Variants in SCAMP4 observed in about 807,000 individuals in gnomAD.
SCAMP4 encodes the protein secretory carrier-associated membrane protein 4.
In SCAMP4, 19 loss-of-function variants were observed where a neutral mutation model predicts 32.1. That is an observed-to-expected ratio of 0.59 (90% CI 0.41 to 0.87). The LOEUF (loss-of-function observed/expected upper bound fraction) is 0.87, where lower values mean the gene tolerates loss of function less well. Among genes scored for constraint, SCAMP4 ranks in the 40% least tolerant of loss-of-function variants. SCAMP4 has a pLI of 0.00. For synonymous variants in SCAMP4, 152 were observed against 132.7 expected, an observed-to-expected ratio of 1.15 and a Z score of -1.00; for missense variants, 302 against 309.0, an observed-to-expected ratio of 0.98 and a Z score of 0.17.
chr19:1,921,495 C>T (rs762456167), intron 5 of SCAMP4: 43 of 985,298 alleles, frequency 4.4e-5, no homozygotes, highest in South Asian at 1.4e-4. Context: ...CAGCGGGCGC[C>T]GCAGCCTCTA....
intron 6 of SCAMP4, 136 bp downstream of exon 6, chr19:1,923,323 G>A (rs1275197681): frequency 6.9e-6 from 5 of 722,960 alleles, no homozygotes; most frequent in Non-Finnish European, 8.8e-6. Context: ...TTCATCCCCA[G>A]CAGTGAGCTG....
intron 1 of SCAMP4, chr19:1,912,354 C>T: frequency 4.6e-6 from 7 of 1,530,920 alleles, no homozygotes; most frequent in Non-Finnish European, 6.1e-6. Flanking sequence ...TGCCGGCAGC[C>T]CCCACGCCCT....
At position 1,921,516 on chromosome 19, in the gene SCAMP4, G is replaced by GC. The variant is rs2013919709; in HGVS notation, c.396-1553dup. ...GCGCCGCAGCCTCTAAGCGGAGCATGCAGCCCACTGACAGTGTGCTGGGTG... is the reference window on the plus strand; with the variant it reads ...GCGCCGCAGCCTCTAAGCGGAGCATGCCAGCCCACTGACAGTGTGCTGGGTG... On this transcript the variant is annotated intron_variant, in intron 5 of 6. Coordinates refer to ENST00000316097, the MANE Select transcript of SCAMP4 (RefSeq NM_079834.4). 3.0e-6 allele frequency: 3 copies of GC among 985,448 alleles called. No individual in the cohort carries two copies. The South Asian group carries it at 1.4e-4, about 46-fold the overall frequency. The allele number at this position is 985,448 out of a possible 1,614,324, so 61.0% of individuals were successfully genotyped here.
Position 1,917,793 on chromosome 19 carries a change from T to C in SCAMP4, c.107T>C (p.Leu36Pro), listed in dbSNP as rs2013781273. The change falls in exon 3 of 7, where the codon CTG (leucine) becomes CCG (proline). Residue 36 changes from leucine to proline, a missense_variant. By Grantham distance (98) the Leu-to-Pro change is moderately conservative. Coordinates refer to ENST00000316097, the MANE Select transcript of SCAMP4 (RefSeq NM_079834.4). ...SDEIPVEHQV[L>P]VKRIYRLWMF... Reference sequence around the variant, plus strand: ...GAGATCCCAGTGGAGCACCAGGTCCTGGTGAAGAGGATCTACCGGCTGTGG... The same window carrying C: ...GAGATCCCAGTGGAGCACCAGGTCCCGGTGAAGAGGATCTACCGGCTGTGG... The C allele has an allele frequency of 1.2e-6, 2 of 1,614,026 alleles. No individual in the cohort carries two copies. Among genetic ancestry groups the C allele is most frequent in the South Asian group, 2.2e-5 (2 of 91,090 alleles).
intron 3 of SCAMP4, 120 bp from the exon 4 acceptor site, chr19:1,918,007 C>T: frequency 7.1e-7 from 1 of 1,403,122 alleles, no homozygotes; most frequent in Non-Finnish European, 9.7e-7. Flanking sequence ...CACAGTTCAT[C>T]CTCGACATGG....
intron 1 of SCAMP4, among the ~76,000 whole-genome samples, chr19:1,911,063 G>A (rs1011296841): frequency 5.3e-5 from 8 of 152,124 alleles, no homozygotes; most frequent in Non-Finnish European, 7.3e-5. Context: ...TTTTAGTAGA[G>A]ACGGGGTTTC....
chr19:1,918,730 C>T lies in SCAMP4; in HGVS notation c.294-159C>T, dbSNP rs930088955. 3 of 1,180,310 alleles carry T rather than the reference C, an allele frequency of 2.5e-6. No individual in the cohort carries two copies. In the Admixed American group the frequency reaches 8.6e-5, roughly 34 times the overall value. The allele number at this position is 1,180,310 out of a possible 1,614,324, so 73.1% of individuals were successfully genotyped here. A position where few individuals can be genotyped will look rare whatever the true frequency, so the allele number is the denominator to read the frequency against. The stretch of plus-strand genomic sequence containing the variant: ...TGAGCCGAGATCTCGACACTGCTCT[C>T]CAGCCTGGGCGACAGAGTGAGACTC... On this transcript the variant is annotated intron_variant, in intron 4 of 6. Transcript: ENST00000316097.
At chr19:1,905,495 G>T (rs1437253925) in intron 1 of SCAMP4, 56 bp downstream of exon 1, 1 of 434,580 alleles carries the variant, frequency 2.3e-6, no homozygotes, top group Non-Finnish European at 4.8e-6. Context: ...CCCCAGAGGG[G>T]GAGTAGGGGC....
At chr19:1,912,558 C>T (rs2013524871) in intron 1 of SCAMP4, 1 of 1,499,702 alleles carries the variant, frequency 6.7e-7, no homozygotes, top group Non-Finnish European at 8.8e-7. Flanking sequence ...CGAGGACAAG[C>T]AGGTGACCAG....
intron 5 of SCAMP4, chr19:1,921,489 G>A (rs2013918547): frequency 4.1e-6 from 4 of 985,426 alleles, no homozygotes; most frequent in Non-Finnish European, 3.6e-6. Context: ...GGACATCAGC[G>A]GGCGCCGCAG....
intron 1 of SCAMP4, chr19:1,911,888 A>AGG: frequency 1.2e-6 from 1 of 849,800 alleles, no homozygotes; most frequent in Non-Finnish European, 1.7e-6. Flanking sequence ...TGTGCACACC[A>AGG]GGGGTTAGCA....
In SCAMP4 at chr19:1,917,819, A is replaced by T; in HGVS notation, c.133A>T (p.Met45Leu). ...GGTGAAGAGGATCTACCGGCTGTGG[A>T]TGTGTGAGTGCGCCTGGGGGCAGGA... The part of the protein sequence containing the change: ...VLVKRIYRLW[M>L]FYCATLGVNL... Residue 45 changes from methionine to leucine, a missense_variant, in exon 3 of 7, where the codon ATG becomes TTG. Physicochemically the swap from Met to Leu is conservative, Grantham distance 15 (BLOSUM62 2). Coordinates refer to ENST00000316097, the MANE Select transcript of SCAMP4 (RefSeq NM_079834.4). 6.2e-6 allele frequency: 10 copies of T among 1,613,866 alleles called. No homozygotes were observed. Among genetic ancestry groups the T allele is most frequent in the Non-Finnish European group, 8.5e-6 (10 of 1,179,874 alleles).
chr19:1,917,451 C>T (rs970377371), intron 2 of SCAMP4, among the ~76,000 whole-genome samples: 1 of 152,190 alleles, frequency 6.6e-6, no homozygotes, highest in African/African-American at 2.4e-5. Flanking sequence ...CACTCAGGGC[C>T]CCTTTCTCCC....
chr19:1,908,438 AC>A lies in SCAMP4; in HGVS notation c.-42+3002del, dbSNP rs1178553522. 2.1e-6 allele frequency: 1 copy of A among 468,144 alleles called. No individual in the cohort carries two copies. The highest frequency in any genetic ancestry group is 2.0e-5 in the African/African-American group (1 of 49,974). The allele number at this position is 468,144 out of a possible 1,614,324, so 29.0% of individuals were successfully genotyped here. A position where few individuals can be genotyped will look rare whatever the true frequency, so the allele number is the denominator to read the frequency against. ...CAGGCAGTGCATGTCGAGGAGTAGC[AC>A]CCACAGCTGCGCGGCTGCGAAATGA... On this transcript the variant is annotated intron_variant, in intron 1 of 6. Transcript: ENST00000316097. This position sits in a 1 kb window ranked among gnomAD's most constrained non-coding sequence, Gnocchi z 4.2.
chr19:1,924,756 AGGCGTCGG>A lies in SCAMP4; in HGVS notation c.*476_*483del, dbSNP rs1056804171. The A allele has an allele frequency of 5.6e-5, 11 of 195,232 alleles. No individual in the cohort carries two copies. Among genetic ancestry groups the A allele is most frequent in the Non-Finnish European group, 1.2e-4 (11 of 91,658 alleles). 12.1% of individuals were successfully genotyped at this position (195,232 alleles called of 1,614,324 possible). A position where few individuals can be genotyped will look rare whatever the true frequency, so the allele number is the denominator to read the frequency against. On this transcript the variant is annotated 3_prime_UTR_variant, in exon 7 of 7. Coordinates refer to ENST00000316097, the MANE Select transcript of SCAMP4 (RefSeq NM_079834.4). Reference sequence around the variant, plus strand: ...GATGCCCTTGGCCGGAACTAATAAGAGGCGTCGGGGCCAGCTTCCGGTCCCCTGCAGTG... The same window carrying A: ...GATGCCCTTGGCCGGAACTAATAAGAGGCCAGCTTCCGGTCCCCTGCAGTG...
chr19:1,917,548 C>T (rs748915166), intron 2 of SCAMP4, 146 bp from the exon 3 acceptor site: 41 of 823,442 alleles, frequency 5.0e-5, no homozygotes, highest in Middle Eastern at 4.7e-4. Flanking sequence ...CGAGGACCCT[C>T]TCCTGTCTCA....
At chr19:1,920,275 G>A in intron 5 of SCAMP4, 1 of 985,384 alleles carries the variant, frequency 1.0e-6, no homozygotes. Context: ...GGTGCCTTTG[G>A]TTTCCTGGGC....
At chr19:1,914,896 G>A (rs2091399509) in intron 1 of SCAMP4, 83 bp from the exon 2 acceptor site, 2 of 1,179,206 alleles carry the variant, frequency 1.7e-6, no homozygotes, top group South Asian at 2.5e-5. Context: ...ACGATGAAGG[G>A]CTTTTCAGCC....
intron 1 of SCAMP4, chr19:1,906,467 A>C (rs2013119364): frequency 1.3e-5 from 2 of 152,062 alleles, no homozygotes; most frequent in Non-Finnish European, 2.9e-5. Flanking sequence ...TGAGCCCCGG[A>C]GGTTGAGGCT....
Sources: allele counts gnomAD v4.1 joint callset (sites outside exome capture counted in the v4.1 genomes callset), GRCh38; gene constraint gnomAD v4.1.1; non-coding constraint Gnocchi (gnomAD v3.1); transcripts MANE v1.5; gene names NCBI Gene and HGNC (gene_info 2026-07-23, HGNC 2026-07-21).